The following BCAR3 variants were observed in gnomAD, a reference collection of about 807,000 sequenced individuals.
BCAR3 encodes the protein breast cancer anti-estrogen resistance protein 3.
Under a neutral mutation model 80.1 loss-of-function variants are expected in BCAR3, and 37 were observed. The ratio of observed to expected loss-of-function variants is 0.46; its 90% CI spans 0.36 to 0.61. The LOEUF is 0.61. Ranked by LOEUF, BCAR3 falls within the 20% of genes least tolerant of loss-of-function variation. BCAR3 has a pLI of 0.00. For missense variants in BCAR3, 978 were observed against 1,068.2 expected (o/e 0.92, Z 1.18); for synonymous variants, 389 against 418.9 (o/e 0.93, Z 0.87).
upstream of BCAR3, among the ~76,000 whole-genome samples, chr1:93,685,038 G>A (rs1648923415): frequency 6.6e-6 from 1 of 152,136 alleles, no homozygotes; most frequent in African/African-American, 2.4e-5. Context: ...CCTGAATCAG[G>A]TATTTTAAGT....
At chr1:93,829,190 GGA>G (rs1654475418) in intron 2 of BCAR3, among the ~76,000 whole-genome samples, 1 of 152,102 alleles carries the variant, frequency 6.6e-6, no homozygotes, top group African/African-American at 2.4e-5. Flanking sequence ...AGGGCTCAGG[GGA>G]TTGGGTTGAC....
chr1:93,681,074 T>A (rs1030362090), intron 1 of BCAR3: 3 of 152,290 alleles, frequency 2.0e-5, no homozygotes, highest in African/African-American at 7.2e-5. Flanking sequence ...GGCAGGCTCC[T>A]TCGCTTTCTT....
At position 93,584,146 on chromosome 1, in the gene BCAR3, G is replaced by T. The variant is rs771148632; in HGVS notation, c.930-25C>A. On this transcript the variant is annotated intron_variant, in intron 5 of 11. Coordinates refer to ENST00000260502, the MANE Select transcript of BCAR3 (RefSeq NM_003567.4). Reference sequence around the variant, plus strand: ...TCTGAAGTAAAAGACACATAGGATGGAAATGTGTTACTAACGTGTAAAATA... The same window carrying T: ...TCTGAAGTAAAAGACACATAGGATGTAAATGTGTTACTAACGTGTAAAATA... 1.9e-6 allele frequency: 3 copies of T among 1,596,388 alleles called. No individual in the cohort carries two copies. In the Admixed American group the frequency reaches 5.1e-5, roughly 27 times the overall value.
intron 7 of BCAR3, among the ~76,000 whole-genome samples, chr1:93,581,496 C>T (rs886671918): frequency 9.2e-5 from 14 of 151,928 alleles, no homozygotes; most frequent in South Asian, 2.1e-4. Context: ...CCACAACCTC[C>T]GCCTCCCAGG....
chr1:93,683,934 AT>A (rs529344234), upstream of BCAR3, among the ~76,000 whole-genome samples: 6 of 152,022 alleles, frequency 3.9e-5, no homozygotes, highest in Non-Finnish European at 8.8e-5. Flanking sequence ...CTCCAAAGAA[AT>A]TTTTTTTAAT....
chr1:93,684,996 CT>C (rs1435915292), upstream of BCAR3, among the ~76,000 whole-genome samples: 8 of 152,306 alleles, frequency 5.3e-5, no homozygotes, highest in African/African-American at 1.9e-4. Flanking sequence ...TCCCAAAGTG[CT>C]GGGATTATAG....
intron 2 of BCAR3, among the ~76,000 whole-genome samples, chr1:93,789,058 C>T (rs780303941): frequency 5.3e-5 from 8 of 151,880 alleles, no homozygotes; most frequent in Non-Finnish European, 1.0e-4. Context: ...TGGAGTGGTG[C>T]GATCCTAGCT....
chr1:93,604,614 C>G (rs902661121), intron 3 of BCAR3, among the ~76,000 whole-genome samples: 2 of 152,190 alleles, frequency 1.3e-5, no homozygotes, highest in African/African-American at 4.8e-5. Flanking sequence ...TGATGTTAAA[C>G]CCCTGTTACC....
At chr1:93,831,590 C>T (rs891807035) in intron 2 of BCAR3, among the ~76,000 whole-genome samples, 2 of 152,090 alleles carry the variant, frequency 1.3e-5, no homozygotes, top group African/African-American at 2.4e-5. Context: ...AGCGACTCGT[C>T]CCAAATCTTT....
chr1:93,781,769 T>G (rs952212977), intron 2 of BCAR3, among the ~76,000 whole-genome samples: 21 of 152,210 alleles, frequency 1.4e-4, no homozygotes, highest in Admixed American at 9.8e-4. Context: ...TATCTCTTCC[T>G]GCTGTTTGGG....
chr1:93,808,665 T>C (rs1653732830), intron 2 of BCAR3, among the ~76,000 whole-genome samples: 1 of 152,168 alleles, frequency 6.6e-6, no homozygotes, highest in African/African-American at 2.4e-5. Flanking sequence ...TTTTCTAGTT[T>C]TGTTTTGTTT....
chr1:93,637,787 A>G (rs114392108), intron 3 of BCAR3, among the ~76,000 whole-genome samples: 98 of 152,300 alleles, frequency 6.4e-4, no homozygotes, highest in African/African-American at 2.3e-3. Context: ...CACAATTAAG[A>G]ACTCCTTACC....
At position 93,571,247 on chromosome 1, in the gene BCAR3, G is replaced by A. The variant is rs111539173; in HGVS notation, c.1974+423C>T. Among the ~76,000 whole-genome samples, 141 of 151,732 alleles carry A rather than the reference G, an allele frequency of 9.3e-4. 1 individual carries two copies. Among genetic ancestry groups the A allele is most frequent in the African/African-American group, 3.2e-3 (134 of 41,388 alleles). ...CCCCAGTCCAGGTACAGTGGCTCAT[G>A]CCTGTAATTCCAGCACTTCGGGAGG... is the stretch of plus-strand genomic sequence containing the variant. On this transcript the variant is annotated intron_variant, in intron 9 of 11. Transcript: ENST00000260502.
At chr1:93,567,669 A>T in intron 10 of BCAR3, 71 bp downstream of exon 10, 1 of 1,485,118 alleles carries the variant, frequency 6.7e-7, no homozygotes, top group Non-Finnish European at 9.4e-7. Flanking sequence ...AGGGCCTCAT[A>T]ACATGCCCTG....
At chr1:93,564,820 A>G (rs1324379653) in intron 11 of BCAR3, among the ~76,000 whole-genome samples, 1 of 152,180 alleles carries the variant, frequency 6.6e-6, no homozygotes. Context: ...TGTCAGCCAT[A>G]TGTGTGGGCC....
At position 93,645,488 on chromosome 1, in the gene BCAR3, C is replaced by A. The variant is rs559600651; in HGVS notation, c.318-3145G>T. 7.2e-5 allele frequency among the ~76,000 whole-genome samples: 11 copies of A among 152,046 alleles called. 1 individual carries two copies. In the South Asian group the frequency reaches 2.3e-3, roughly 32 times the overall value. On this transcript the variant is annotated intron_variant, in intron 2 of 11. Coordinates refer to ENST00000260502, the MANE Select transcript of BCAR3 (RefSeq NM_003567.4). The stretch of plus-strand genomic sequence containing the variant: ...TATAGAGTTCCTAAATTCTCTTTTT[C>A]TGTCTTCCTTTCTGCCTACTTTAAA...
intron 3 of BCAR3, among the ~76,000 whole-genome samples, chr1:93,595,313 A>C (rs1158273294): frequency 6.6e-6 from 1 of 152,182 alleles, no homozygotes; most frequent in Non-Finnish European, 1.5e-5. Context: ...GGAAGGAGGG[A>C]AAGAGAGAGG....
intron 2 of BCAR3, among the ~76,000 whole-genome samples, chr1:93,772,584 T>A (rs745478284): frequency 6.6e-6 from 1 of 152,172 alleles, no homozygotes; most frequent in South Asian, 2.1e-4. Context: ...TCCAACTTTT[T>A]CTTTTTTTCT....
chr1:93,738,474 G>A (rs1334847665), intron 2 of BCAR3, among the ~76,000 whole-genome samples: 2 of 152,212 alleles, frequency 1.3e-5, no homozygotes, highest in Non-Finnish European at 2.9e-5. Flanking sequence ...GCCCTCCCCC[G>A]CCATGGGTCT....
Sources: gnomAD v4.1 joint callset for allele counts (sites outside exome capture counted in the v4.1 genomes callset) on GRCh38, gnomAD v4.1.1 for gene constraint, MANE v1.5 for transcripts, NCBI Gene and HGNC (gene_info 2026-07-23, HGNC 2026-07-21) for gene names.